The following BANP variants were observed in gnomAD, a reference collection of about 807,000 sequenced individuals.
BANP encodes protein BANP.
In BANP, 11 loss-of-function variants were observed where a neutral mutation model predicts 68.1. The ratio of observed to expected loss-of-function variants is 0.16; its 90% CI spans 0.10 to 0.27. BANP has a LOEUF of 0.27. Among genes scored for constraint, BANP ranks in the 10% least tolerant of loss-of-function variants. BANP has a pLI of 1.00. For synonymous variants in BANP, 329 were observed against 303.2 expected, an observed-to-expected ratio of 1.09 and a Z score of -0.88; for missense variants, 504 against 722.7, an observed-to-expected ratio of 0.70 and a Z score of 3.47.
chr16:87,992,890 C>T (rs945676345), intron 4 of BANP, among the ~76,000 whole-genome samples: 11 of 152,122 alleles, frequency 7.2e-5, no homozygotes, highest in Non-Finnish European at 1.3e-4. Context: ...AGAGTGTGTC[C>T]GCACACTGTT....
intron 1 of BANP, among the ~76,000 whole-genome samples, chr16:87,962,490 G>A (rs1172874726): frequency 6.6e-6 from 1 of 152,188 alleles, no homozygotes; most frequent in African/African-American, 2.4e-5. Context: ...TTAGAATGGT[G>A]AAGAGGACCC....
intron 1 of BANP, among the ~76,000 whole-genome samples, chr16:87,959,234 C>T (rs1033760115): frequency 9.2e-5 from 14 of 152,206 alleles, no homozygotes; most frequent in African/African-American, 2.2e-4. Context: ...TGTTTGTGGA[C>T]GCTGACATTT....
At chr16:87,988,334 G>A (rs1299953753) in intron 4 of BANP, among the ~76,000 whole-genome samples, 1 of 152,108 alleles carries the variant, frequency 6.6e-6, no homozygotes, top group Non-Finnish European at 1.5e-5. Context: ...CATGATCTTG[G>A]CTCACTGCAA....
rs576072986 is a variant in BANP, at chr16:88,060,274, GGGGTCTCTCT to G, written c.1312-4985_1312-4976del. 2.2e-4 allele frequency among the ~76,000 whole-genome samples: 33 copies of G among 152,380 alleles called. No individual in the cohort carries two copies. The East Asian group carries it at 5.4e-3, about 25-fold the overall frequency. On this transcript the variant is annotated intron_variant, in intron 11 of 13. Transcript: ENST00000682872. ...CCTCCGGGCAGAGCCCACCTGACGA[GGGGTCTCTCT>G]GGGTCTCCCCAGCCTGGCCTGGCCT...
At chr16:88,044,582 G>T (rs947891457) in intron 11 of BANP, among the ~76,000 whole-genome samples, 7 of 152,176 alleles carry the variant, frequency 4.6e-5, no homozygotes, top group Non-Finnish European at 1.0e-4. Flanking sequence ...ATAGATGATC[G>T]CTAATGTCTC....
chr16:88,040,335 G>A (rs1247214758), intron 11 of BANP, among the ~76,000 whole-genome samples: 1 of 151,436 alleles, frequency 6.6e-6, no homozygotes, highest in African/African-American at 2.4e-5. Flanking sequence ...TTCGTCCTCC[G>A]GGCTGGCCAC....
At chr16:88,015,207 T>TCCCTCTGCTTGTG (rs1462105791) in intron 6 of BANP, among the ~76,000 whole-genome samples, 1 of 136,200 alleles carries the variant, frequency 7.3e-6, no homozygotes, top group Non-Finnish European at 1.6e-5. Context: ...CTTCTGCCCA[T>TCCCTCTGCTTGTG]CCCTCTGCTT....
rs2091692948 is a variant in BANP, at chr16:88,076,773, G to C, written c.*112G>C. ...CAGCGGCTGCACGTGTTCTGCTGAAGTGCGTCTGAAGGCCGCTGCCTCCGC... is the reference window on the plus strand; with the variant it reads ...CAGCGGCTGCACGTGTTCTGCTGAACTGCGTCTGAAGGCCGCTGCCTCCGC... On this transcript the variant is annotated 3_prime_UTR_variant, in exon 14 of 14. Coordinates refer to ENST00000682872, the MANE Select transcript of BANP (RefSeq NM_001386991.1). The C allele has an allele frequency of 3.3e-6, 3 of 898,038 alleles. No individual in the cohort carries two copies. Among genetic ancestry groups the C allele is most frequent in the Non-Finnish European group, 3.3e-6 (2 of 608,324 alleles). 55.6% of individuals were successfully genotyped at this position (898,038 alleles called of 1,614,324 possible).
chr16:88,045,412 G>C (rs183524050), intron 11 of BANP, among the ~76,000 whole-genome samples: 1 of 152,370 alleles, frequency 6.6e-6, no homozygotes, highest in African/African-American at 2.4e-5. Flanking sequence ...GGGGCCAAAG[G>C]AACGCTTCAG....
intron 7 of BANP, among the ~76,000 whole-genome samples, chr16:88,024,476 C>T (rs1455133469): frequency 1.3e-5 from 2 of 152,220 alleles, no homozygotes; most frequent in Non-Finnish European, 2.9e-5. Context: ...CTTTTGATCC[C>T]ATCATGATAG....
At chr16:87,953,416 C>T (rs1027640243) in intron 1 of BANP, among the ~76,000 whole-genome samples, 1 of 152,016 alleles carries the variant, frequency 6.6e-6, no homozygotes, top group African/African-American at 2.4e-5. Flanking sequence ...CTGATGTTGC[C>T]CAGGCCGTAC....
chr16:88,059,037 G>T (rs971498416), intron 11 of BANP, among the ~76,000 whole-genome samples: 2 of 151,734 alleles, frequency 1.3e-5, no homozygotes, highest in Admixed American at 1.3e-4. Context: ...TGCCTGGTCG[G>T]AACCCCTGTA....
At chr16:87,983,964 G>C in intron 3 of BANP, 96 bp from the exon 4 acceptor site, 3 of 1,438,186 alleles carry the variant, frequency 2.1e-6, no homozygotes, top group South Asian at 1.4e-5. Context: ...TGAATAGATA[G>C]AGTTGAGATC....
chr16:88,000,413 T>G (rs372200233), intron 4 of BANP, among the ~76,000 whole-genome samples: 1 of 70 alleles, frequency 0.014, no homozygotes, highest in African/African-American at 0.018. Flanking sequence ...TGCGCGGCTG[T>G]ACTTACCTGT....
At chr16:88,019,923 G>A (rs1305459109) in intron 7 of BANP, among the ~76,000 whole-genome samples, 1 of 152,200 alleles carries the variant, frequency 6.6e-6, no homozygotes, top group African/African-American at 2.4e-5. Flanking sequence ...CTGCTGAGAG[G>A]TGGGTCCAGG....
chr16:87,981,432 T>C (rs1470861763), intron 3 of BANP, among the ~76,000 whole-genome samples: 1 of 152,186 alleles, frequency 6.6e-6, no homozygotes, highest in Non-Finnish European at 1.5e-5. Flanking sequence ...CCTTCTCTCC[T>C]CTAGTAAGGA....
rs373666612 is a variant in BANP, at chr16:88,058,318, C to T, written c.1312-6949C>T. On this transcript the variant is annotated intron_variant, in intron 11 of 13. Transcript: ENST00000682872. ...TTGTTGGGTTTCACGCAGGTGGGCC[C>T]GAGGAGGACGGCAGGCAGGGCCGGG... Among the ~76,000 whole-genome samples the T allele has an allele frequency of 4.6e-3, 704 of 152,270 alleles. 2 individuals are homozygous for T. The highest frequency in any genetic ancestry group is 7.8e-3 in the Non-Finnish European group (531 of 68,018).
intron 4 of BANP, among the ~76,000 whole-genome samples, chr16:87,990,699 G>A (rs1456636156): frequency 2.0e-5 from 3 of 152,174 alleles, no homozygotes; most frequent in East Asian, 1.9e-4. Context: ...GTTTAATTTC[G>A]TGTACATGTG....
intron 8 of BANP, among the ~76,000 whole-genome samples, chr16:88,030,484 A>G (rs374244802): frequency 3.9e-5 from 6 of 152,346 alleles, no homozygotes; most frequent in African/African-American, 1.4e-4. Flanking sequence ...TGCTTCATCC[A>G]ATGGGGAATG....
Sources: allele counts gnomAD v4.1 joint callset (sites outside exome capture counted in the v4.1 genomes callset), GRCh38; gene constraint gnomAD v4.1.1; transcripts MANE v1.5; gene names NCBI Gene and HGNC (gene_info 2026-07-23, HGNC 2026-07-21).